The following STK3 variants were observed in gnomAD, a reference collection of about 807,000 sequenced individuals.
STK3 encodes serine/threonine kinase 3, also known as serine/threonine-protein kinase 3.
A neutral mutation model predicts 58.0 loss-of-function variants in STK3; 41 were observed. That is an observed-to-expected ratio of 0.71 (90% CI 0.55 to 0.92). The LOEUF (loss-of-function observed/expected upper bound fraction) is 0.92, where lower values mean the gene tolerates loss of function less well. Ranked by LOEUF, STK3 falls within the 40% of genes least tolerant of loss-of-function variation. The probability of loss-of-function intolerance (pLI) is 0.00; values close to 1 mark genes in which losing one functional copy is unlikely to be tolerated. For synonymous variants in STK3, 170 were observed against 191.0 expected, an observed-to-expected ratio of 0.89 and a Z score of 0.91; for missense variants, 479 against 602.7, an observed-to-expected ratio of 0.79 and a Z score of 2.15.
At chr8:98,468,539 G>A (rs566880273) in intron 10 of STK3, among the ~76,000 whole-genome samples, 4 of 152,076 alleles carry the variant, frequency 2.6e-5, no homozygotes, top group African/African-American at 9.7e-5. Flanking sequence ...CAAAATCGTC[G>A]CCTGAATGAA....
chr8:98,907,475 T>C (rs1838960460), intron 1 of STK3, among the ~76,000 whole-genome samples: 1 of 152,162 alleles, frequency 6.6e-6, no homozygotes. Flanking sequence ...ATTGTGCCAC[T>C]GCACTCCAGC....
intron 8 of STK3, among the ~76,000 whole-genome samples, chr8:98,571,370 A>T (rs555602714): frequency 1.2e-4 from 19 of 152,160 alleles, no homozygotes; most frequent in African/African-American, 4.6e-4. Flanking sequence ...GTCCCTATTG[A>T]ACAGGGGTAA....
intron 10 of STK3, among the ~76,000 whole-genome samples, chr8:98,488,464 G>C (rs1200632308): frequency 6.6e-6 from 1 of 152,120 alleles, no homozygotes; most frequent in African/African-American, 2.4e-5. Flanking sequence ...TAGTTACTAG[G>C]GTAGGGTAGG....
chr8:98,492,169 T>C (rs1302255057), intron 10 of STK3, among the ~76,000 whole-genome samples: 1 of 152,228 alleles, frequency 6.6e-6, no homozygotes, highest in Non-Finnish European at 1.5e-5. Flanking sequence ...AATTGTTAAA[T>C]AATGCAAATG....
intron 1 of STK3, among the ~76,000 whole-genome samples, chr8:98,801,351 C>T (rs953483383): frequency 6.6e-5 from 10 of 152,078 alleles, no homozygotes; most frequent in Non-Finnish European, 2.9e-5. Flanking sequence ...AAGCAAGCTG[C>T]CCAAGCCAGC....
chr8:98,891,626 TGAGAGA>T (rs56830700), intron 1 of STK3, among the ~76,000 whole-genome samples: 67 of 148,354 alleles, frequency 4.5e-4, no homozygotes, highest in Non-Finnish European at 3.4e-4. Flanking sequence ...TGTGTGTGTG[TGAGAGA>T]GAGAGAGAGA....
At chr8:98,557,944 G>C (rs1294245660) in intron 8 of STK3, among the ~76,000 whole-genome samples, 1 of 152,036 alleles carries the variant, frequency 6.6e-6, no homozygotes, top group African/African-American at 2.4e-5. Flanking sequence ...GACTTCAGAG[G>C]CTCCATGATG....
At chr8:98,907,822 C>CT (rs1473023971) in intron 1 of STK3, among the ~76,000 whole-genome samples, 1 of 152,174 alleles carries the variant, frequency 6.6e-6, no homozygotes, top group Non-Finnish European at 1.5e-5. Flanking sequence ...AGGTCCATAA[C>CT]TTGCATTTAG....
chr8:98,345,906 G>C, the STK3 span, among the ~76,000 whole-genome samples: 18 of 152,188 alleles, frequency 1.2e-4, no homozygotes, highest in Non-Finnish European at 2.4e-4. Context: ...GGCATTTCAG[G>C]AGAGAAAAGA....
chr8:98,386,539 A>C (rs917611075), intron 1 of STK3, among the ~76,000 whole-genome samples: 6 of 152,232 alleles, frequency 3.9e-5, no homozygotes, highest in African/African-American at 1.4e-4. Flanking sequence ...GATTATATAT[A>C]CATATTGGTT....
intron 1 of STK3, among the ~76,000 whole-genome samples, chr8:98,929,377 A>G (rs1839927377): frequency 6.6e-6 from 1 of 151,084 alleles, no homozygotes; most frequent in Non-Finnish European, 1.5e-5. Context: ...AGGTTGGGAG[A>G]CCAGATGTGC....
chr8:98,782,491 C>A (rs1017935809), intron 1 of STK3: 1 of 281,424 alleles, frequency 3.6e-6, no homozygotes, highest in Admixed American at 3.9e-5. Context: ...CACAGACCCA[C>A]AAGATGCTCC....
intron 1 of STK3, among the ~76,000 whole-genome samples, chr8:98,903,957 G>C (rs903083851): frequency 6.6e-6 from 1 of 152,094 alleles, no homozygotes; most frequent in Non-Finnish European, 1.5e-5. Flanking sequence ...TAGAGCCCCA[G>C]ATATTCTATA....
At chr8:98,708,096 A>G (rs897790093) in intron 4 of STK3, among the ~76,000 whole-genome samples, 1 of 151,892 alleles carries the variant, frequency 6.6e-6, no homozygotes, top group Non-Finnish European at 1.5e-5. Context: ...CTGAGATCAC[A>G]TCACTGCATG....
intron 4 of STK3, among the ~76,000 whole-genome samples, chr8:98,707,863 G>A (rs1246935685): frequency 6.6e-6 from 1 of 152,038 alleles, no homozygotes; most frequent in Non-Finnish European, 1.5e-5. Flanking sequence ...TATCAGCAGG[G>A]CGTGGTGGCT....
intron 3 of STK3, among the ~76,000 whole-genome samples, chr8:98,750,374 C>T (rs949757195): frequency 1.3e-5 from 2 of 151,084 alleles, no homozygotes; most frequent in East Asian, 1.9e-4. Flanking sequence ...CAAATAAATA[C>T]TTCTATCTAG....
chr8:98,754,118 C>A (rs1830143656), intron 3 of STK3, among the ~76,000 whole-genome samples: 1 of 152,212 alleles, frequency 6.6e-6, no homozygotes, highest in African/African-American at 2.4e-5. Flanking sequence ...AATTTCCAGA[C>A]ACACTCAGCT....
chr8:98,832,947 C>T (rs905689655), intron 3 of STK3, among the ~76,000 whole-genome samples: 1 of 152,176 alleles, frequency 6.6e-6, no homozygotes, highest in African/African-American at 2.4e-5. Flanking sequence ...CCTCTGCAGA[C>T]TTCCCTACAT....
chr8:98,420,063 C>T (rs1818152886), intron 3 of STK3, among the ~76,000 whole-genome samples: 1 of 152,152 alleles, frequency 6.6e-6, no homozygotes, highest in African/African-American at 2.4e-5. Flanking sequence ...TAGTTGCCCT[C>T]CCCCTTGTCC....
Sources: gnomAD v4.1 joint callset for allele counts (sites outside exome capture counted in the v4.1 genomes callset) on GRCh38, gnomAD v4.1.1 for gene constraint, MANE v1.5 for transcripts, NCBI Gene and HGNC (gene_info 2026-07-23, HGNC 2026-07-21) for gene names.